Variants in CFAP96 observed in about 807,000 individuals in gnomAD.
CFAP96 encodes cilia-and flagella-associated protein 96.
chr4:185,432,234 C>T, the CFAP96 span: 2 of 1,409,410 alleles, frequency 1.4e-6, no homozygotes, highest in East Asian at 5.0e-5. Flanking sequence ...CTTAAATATA[C>T]CTCCTGTACC....
chr4:185,430,067 G>A, the CFAP96 span, among the ~76,000 whole-genome samples: 1 of 152,176 alleles, frequency 6.6e-6, no homozygotes, highest in African/African-American at 2.4e-5. Flanking sequence ...TTTCAAAGGT[G>A]CCTGGCAGTT....
At chr4:185,435,021 G>A in the CFAP96 span, among the ~76,000 whole-genome samples, 2 of 151,504 alleles carry the variant, frequency 1.3e-5, no homozygotes, top group South Asian at 2.1e-4. Context: ...GATTACATAC[G>A]TGAGCCACCA....
At chr4:185,432,124 G>T in the CFAP96 span, 1 of 1,551,834 alleles carries the variant, frequency 6.4e-7, no homozygotes, top group Non-Finnish European at 8.7e-7. Context: ...TGAATCAAGT[G>T]AGGAGACGGG....
At chr4:185,412,183 A>T in the CFAP96 span, among the ~76,000 whole-genome samples, 1 of 152,250 alleles carries the variant, frequency 6.6e-6, no homozygotes, top group Admixed American at 6.5e-5. Flanking sequence ...TATGTAAAGT[A>T]TATATTTTTC....
At chr4:185,429,230 G>A in the CFAP96 span, 61 of 468,162 alleles carry the variant, frequency 1.3e-4, no homozygotes, top group African/African-American at 1.2e-3. Flanking sequence ...CTATTGTTTT[G>A]TAGTAAACCT....
At chr4:185,446,697 A>G in the CFAP96 span, among the ~76,000 whole-genome samples, 3 of 136,498 alleles carry the variant, frequency 2.2e-5, no homozygotes, top group Non-Finnish European at 4.7e-5. Flanking sequence ...ATAGTTTGTT[A>G]CTTCAGACAT....
At chr4:185,431,089 A>C in the CFAP96 span, among the ~76,000 whole-genome samples, 1 of 151,914 alleles carries the variant, frequency 6.6e-6, no homozygotes, top group Non-Finnish European at 1.5e-5. Context: ...GCACACCTGT[A>C]GTCCCAGCTA....
At chr4:185,440,353 TTGTC>T in the CFAP96 span, among the ~76,000 whole-genome samples, 8 of 152,280 alleles carry the variant, frequency 5.3e-5, no homozygotes, top group Non-Finnish European at 5.9e-5. Context: ...ATAGTTCTGT[TTGTC>T]TGTAAGTAGG....
At chr4:185,422,604 A>G in the CFAP96 span, 47 of 1,333,324 alleles carry the variant, frequency 3.5e-5, 2 homozygotes, top group East Asian at 1.1e-3. Context: ...CTTGTAAAAC[A>G]AAACAAACTC....
chr4:185,441,638 T>G, the CFAP96 span, among the ~76,000 whole-genome samples: 7 of 151,492 alleles, frequency 4.6e-5, no homozygotes, highest in Non-Finnish European at 7.4e-5. Context: ...AATTAAAATT[T>G]CTACTAAAAA....
the CFAP96 span, among the ~76,000 whole-genome samples, chr4:185,439,510 T>C: frequency 2.0e-5 from 3 of 152,168 alleles, no homozygotes; most frequent in African/African-American, 7.2e-5. Context: ...GTTTGTTGAA[T>C]GATGAAATAT....
At chr4:185,436,323 T>C in the CFAP96 span, 1 of 1,551,164 alleles carries the variant, frequency 6.4e-7, no homozygotes, top group Admixed American at 2.0e-5. Context: ...TTTCACACTC[T>C]GCCGACTTCT....
chr4:185,420,493 A>T, the CFAP96 span, among the ~76,000 whole-genome samples: 1 of 152,104 alleles, frequency 6.6e-6, no homozygotes, highest in Non-Finnish European at 1.5e-5. Context: ...CTGCTGAAAG[A>T]GTATTTAAAA....
chr4:185,431,642 C>G, the CFAP96 span, among the ~76,000 whole-genome samples: 1 of 152,348 alleles, frequency 6.6e-6, no homozygotes, highest in East Asian at 1.9e-4. Context: ...ACATCTCACA[C>G]ATGACCTACG....
chr4:185,433,933 T>G, the CFAP96 span, among the ~76,000 whole-genome samples: 1 of 150,674 alleles, frequency 6.6e-6, no homozygotes, highest in Non-Finnish European at 1.5e-5. Flanking sequence ...AGACTGAGGA[T>G]TTTCGGTGGG....
At chr4:185,433,665 G>GC in the CFAP96 span, among the ~76,000 whole-genome samples, 91 of 152,276 alleles carry the variant, frequency 6.0e-4, no homozygotes, top group African/African-American at 2.0e-3. Flanking sequence ...ACTTTGGGAG[G>GC]CCGAGGCGGG....
At chr4:185,438,284 TTCCTTC>T in the CFAP96 span, among the ~76,000 whole-genome samples, 1 of 152,188 alleles carries the variant, frequency 6.6e-6, no homozygotes, top group Non-Finnish European at 1.5e-5. Context: ...AAGTCCTTTT[TTCCTTC>T]TATGTATTTC....
chr4:185,438,805 C>G, the CFAP96 span, among the ~76,000 whole-genome samples: 37 of 152,292 alleles, frequency 2.4e-4, no homozygotes, highest in African/African-American at 8.7e-4. Flanking sequence ...GTTTATTCCC[C>G]ACTACTGGGG....
At chr4:185,418,852 C>T in the CFAP96 span, 1 of 1,096,902 alleles carries the variant, frequency 9.1e-7, no homozygotes, top group Non-Finnish European at 1.3e-6. Flanking sequence ...AAAAGTAGAG[C>T]ATAGTAAAAC....
Sources: gnomAD v4.1 joint callset for allele counts (sites outside exome capture counted in the v4.1 genomes callset) on GRCh38, gnomAD v4.1.1 for gene constraint, MANE v1.5 for transcripts, NCBI Gene and HGNC (gene_info 2026-07-23, HGNC 2026-07-21) for gene names.